LRRC7: variants seen among roughly 807,000 people sequenced by gnomAD.
LRRC7 encodes the protein leucine-rich repeat-containing protein 7.
A neutral mutation model predicts 175.7 loss-of-function variants in LRRC7; 23 were observed. The ratio of observed to expected loss-of-function variants is 0.13; its 90% CI spans 0.09 to 0.19. The LOEUF is 0.19. Ranked by LOEUF, LRRC7 falls within the 10% of genes least tolerant of loss-of-function variation. The probability of loss-of-function intolerance (pLI) is 1.00; values close to 1 mark genes in which losing one functional copy is unlikely to be tolerated. For synonymous variants in LRRC7, 685 were observed against 680.9 expected (o/e 1.01, Z -0.09); for missense variants, 1,354 against 1,904.7 (o/e 0.71, Z 5.38).
rs1195350047 is a variant in LRRC7 at position 69,569,928 on chromosome 1, A to G, written c.2+1287A>G. On this transcript the variant is annotated intron_variant, in intron 1 of 26. Transcript: ENST00000651989. ...TTACAAAAAAAAAAAAAAAAAAAAA[A>G]GCGATGGGGGTGGGGATCGGTAAGA... 4.6e-5 allele frequency among the ~76,000 whole-genome samples: 6 copies of G among 129,096 alleles called. No individual in the cohort carries two copies. In the East Asian group the frequency reaches 7.2e-4, roughly 16 times the overall value. The allele number at this position is 129,096 out of a possible 152,430, so 84.7% of individuals were successfully genotyped here.
chr1:70,030,478 T>A (rs967145875), intron 18 of LRRC7, among the ~76,000 whole-genome samples: 3 of 152,188 alleles, frequency 2.0e-5, no homozygotes, highest in African/African-American at 7.2e-5. Flanking sequence ...TCCTCCTGCC[T>A]CAAATTAACT....
chr1:70,120,149 A>AACCT (rs1243153668), intron 26 of LRRC7, among the ~76,000 whole-genome samples: 1 of 152,108 alleles, frequency 6.6e-6, no homozygotes, highest in Non-Finnish European at 1.5e-5. Flanking sequence ...CATCAAATGT[A>AACCT]ACCTCATTGT....
rs937289822 is a variant in LRRC7, at chr1:69,572,364, T to A, written c.2+3723T>A. ...TGATGGAACAAAAAAGCAAATTATATAAGCTATTGTAATTAAATCAAATAC... is the reference window on the plus strand; with the variant it reads ...TGATGGAACAAAAAAGCAAATTATAAAAGCTATTGTAATTAAATCAAATAC... On this transcript the variant is annotated intron_variant, in intron 1 of 26. Coordinates refer to ENST00000651989, the MANE Select transcript of LRRC7 (RefSeq NM_001370785.2). Among the ~76,000 whole-genome samples, 3 of 152,122 alleles carry A rather than the reference T, an allele frequency of 2.0e-5. No homozygotes were observed. In the South Asian group the frequency reaches 6.2e-4, roughly 32 times the overall value.
At chr1:69,654,524 G>A (rs927334014) in intron 1 of LRRC7, among the ~76,000 whole-genome samples, 1 of 152,026 alleles carries the variant, frequency 6.6e-6, no homozygotes, top group Non-Finnish European at 1.5e-5. Context: ...GAAGTTGCCA[G>A]TCTTATTGCA....
intron 3 of LRRC7, among the ~76,000 whole-genome samples, chr1:69,784,224 A>G (rs1674135054): frequency 6.6e-6 from 1 of 152,200 alleles, no homozygotes; most frequent in Admixed American, 6.6e-5. Context: ...AACCTGTTGT[A>G]AAAGCATAAA....
At position 69,900,582 on chromosome 1, in the gene LRRC7, G is replaced by A. The variant is rs1646107586; in HGVS notation, c.648-30925G>A. Among the ~76,000 whole-genome samples the A allele has an allele frequency of 3.9e-5, 6 of 152,088 alleles. No homozygotes were observed. The South Asian group carries it at 1.2e-3, about 32-fold the overall frequency. On this transcript the variant is annotated intron_variant, in intron 7 of 26. Coordinates refer to ENST00000651989, the MANE Select transcript of LRRC7 (RefSeq NM_001370785.2). ...ATTGTAGCATACAATATTCTTCTAAGGTGCCAAATCATAATAAATATTCTC... is the reference window on the plus strand; with the variant it reads ...ATTGTAGCATACAATATTCTTCTAAAGTGCCAAATCATAATAAATATTCTC...
intron 2 of LRRC7, among the ~76,000 whole-genome samples, chr1:69,704,305 A>G (rs1045806025): frequency 6.6e-6 from 1 of 152,052 alleles, no homozygotes; most frequent in African/African-American, 2.4e-5. Context: ...TTGTGTGTAC[A>G]CTTTATTCAT....
chr1:70,104,014 G>C (rs1159353195), intron 25 of LRRC7, among the ~76,000 whole-genome samples: 1 of 152,152 alleles, frequency 6.6e-6, no homozygotes, highest in Non-Finnish European at 1.5e-5. Flanking sequence ...AATGTTATAA[G>C]AAACTGAACA....
intron 8 of LRRC7, among the ~76,000 whole-genome samples, chr1:69,961,986 A>C (rs984492357): frequency 6.6e-6 from 1 of 152,116 alleles, no homozygotes; most frequent in Admixed American, 6.5e-5. Context: ...AAAATTAACA[A>C]ATGGGATCTA....
At chr1:69,913,893 A>G (rs1029154781) in intron 7 of LRRC7, among the ~76,000 whole-genome samples, 6 of 152,196 alleles carry the variant, frequency 3.9e-5, no homozygotes, top group Admixed American at 6.5e-5. Flanking sequence ...ATTTATTTCT[A>G]AAATTTTATA....
At chr1:69,859,957 T>C (rs1187621145) in intron 7 of LRRC7, among the ~76,000 whole-genome samples, 2 of 152,158 alleles carry the variant, frequency 1.3e-5, no homozygotes, top group East Asian at 3.9e-4. Flanking sequence ...TGATTTACAC[T>C]GAATATCTCT....
intron 13 of LRRC7, among the ~76,000 whole-genome samples, chr1:70,015,734 A>G (rs1018493773): frequency 2.6e-5 from 4 of 152,192 alleles, no homozygotes; most frequent in Non-Finnish European, 1.5e-5. Context: ...ATCAAGTTAT[A>G]CATCTTAGAA....
chr1:69,862,552 C>G (rs1024422216), intron 7 of LRRC7, among the ~76,000 whole-genome samples: 10 of 152,086 alleles, frequency 6.6e-5, no homozygotes, highest in African/African-American at 2.4e-4. Context: ...ACAGAAAATT[C>G]TGAATCATCA....
chr1:69,888,788 G>C (rs1482519320), intron 7 of LRRC7, among the ~76,000 whole-genome samples: 1 of 152,072 alleles, frequency 6.6e-6, no homozygotes, highest in South Asian at 2.1e-4. Flanking sequence ...AGGGAAGATG[G>C]GGAGATGTAG....
At chr1:69,884,973 A>G (rs1318846662) in intron 7 of LRRC7, among the ~76,000 whole-genome samples, 1 of 149,960 alleles carries the variant, frequency 6.7e-6, no homozygotes, top group Non-Finnish European at 1.5e-5. Flanking sequence ...AGCCCACTTG[A>G]TCATGGTGGG....
intron 1 of LRRC7, among the ~76,000 whole-genome samples, chr1:69,669,138 T>G (rs1458746413): frequency 6.6e-6 from 1 of 152,236 alleles, no homozygotes; most frequent in Non-Finnish European, 1.5e-5. Context: ...TAATACTCTG[T>G]GTTTTTCTGT....
At chr1:70,018,971 A>C (rs1208586236) in intron 15 of LRRC7, among the ~76,000 whole-genome samples, 153 bp downstream of exon 15, 1 of 152,068 alleles carries the variant, frequency 6.6e-6, no homozygotes, top group Admixed American at 6.6e-5. Flanking sequence ...GATGTACTTT[A>C]AGCATAAGTC....
chr1:69,926,904 A>G (rs892767741), intron 7 of LRRC7, among the ~76,000 whole-genome samples: 2 of 152,138 alleles, frequency 1.3e-5, no homozygotes, highest in Admixed American at 6.5e-5. Flanking sequence ...TCGTAGCCTC[A>G]ATGGTCTTTA....
At chr1:69,701,839 C>CA (rs1229618362) in intron 2 of LRRC7, among the ~76,000 whole-genome samples, 4 of 152,218 alleles carry the variant, frequency 2.6e-5, no homozygotes, top group African/African-American at 9.6e-5. Context: ...CAAATTAGTG[C>CA]ACAGAGGATA....
Sources: gnomAD v4.1 joint callset for allele counts (sites outside exome capture counted in the v4.1 genomes callset) on GRCh38, gnomAD v4.1.1 for gene constraint, MANE v1.5 for transcripts, NCBI Gene and HGNC (gene_info 2026-07-23, HGNC 2026-07-21) for gene names.